The following ABHD17C variants were observed in gnomAD, a reference collection of about 807,000 sequenced individuals.
The protein encoded by ABHD17C is abhydrolase domain containing 17C, depalmitoylase.
In ABHD17C, 11 loss-of-function variants were observed where a neutral mutation model predicts 27.9. The ratio of observed to expected loss-of-function variants is 0.39; its 90% CI spans 0.25 to 0.65. The LOEUF (loss-of-function observed/expected upper bound fraction) is 0.65, where lower values mean the gene tolerates loss of function less well. Among genes scored for constraint, ABHD17C ranks in the 30% least tolerant of loss-of-function variants. The pLI, the probability that ABHD17C is intolerant of heterozygous loss-of-function variation, is 0.45. For missense variants in ABHD17C, 280 were observed against 470.2 expected, an observed-to-expected ratio of 0.60 and a Z score of 3.74; for synonymous variants, 233 against 209.1, an observed-to-expected ratio of 1.11 and a Z score of -0.98.
chr15:80,698,374 T>C lies in ABHD17C; in HGVS notation c.590+2355T>C, dbSNP rs375705041. On this transcript the variant is annotated intron_variant, in intron 1 of 2. Coordinates refer to ENST00000258884, the MANE Select transcript of ABHD17C (RefSeq NM_021214.2). ...CCACCGCGCCTGGCCTATTTCACTT[T>C]TATAAAAAAGAAAAAAAAAGATGGT... Among the ~76,000 whole-genome samples, 15 of 152,176 alleles carry C rather than the reference T, an allele frequency of 9.9e-5. No individual in the cohort carries two copies. In the East Asian group the frequency reaches 2.3e-3, roughly 24 times the overall value.
chr15:80,747,543 G>A (rs556915336), intron 1 of ABHD17C, among the ~76,000 whole-genome samples: 24 of 152,178 alleles, frequency 1.6e-4, no homozygotes, highest in South Asian at 6.2e-4. Flanking sequence ...TTGAAAATCC[G>A]TGGTCTCTGA....
chr15:80,749,057 A>T (rs1895330615), intron 1 of ABHD17C, among the ~76,000 whole-genome samples: 1 of 152,122 alleles, frequency 6.6e-6, no homozygotes, highest in Admixed American at 6.5e-5. Context: ...ACTTTTTCTG[A>T]TAAATGTTAA....
intron 2 of ABHD17C, among the ~76,000 whole-genome samples, 198 bp downstream of exon 2, chr15:80,749,890 G>A (rs1402717216): frequency 2.0e-5 from 3 of 152,210 alleles, no homozygotes; most frequent in Non-Finnish European, 4.4e-5. Context: ...ACTCACTTGT[G>A]AAAATCTCCC....
At chr15:80,729,017 AT>A (rs1310895411) in intron 1 of ABHD17C, among the ~76,000 whole-genome samples, 1 of 152,238 alleles carries the variant, frequency 6.6e-6, no homozygotes, top group Non-Finnish European at 1.5e-5. Context: ...AGCCATTCTT[AT>A]TTTAGAGTAG....
intron 1 of ABHD17C, among the ~76,000 whole-genome samples, chr15:80,708,672 G>A (rs567020354): frequency 2.0e-5 from 3 of 152,340 alleles, no homozygotes; most frequent in Admixed American, 6.5e-5. Flanking sequence ...TGCGTGGTCA[G>A]CTTCACTCAC....
chr15:80,718,830 A>T (rs1340234755), intron 1 of ABHD17C, among the ~76,000 whole-genome samples: 1 of 152,204 alleles, frequency 6.6e-6, no homozygotes, highest in African/African-American at 2.4e-5. Context: ...CGGTTGATTT[A>T]TGAAGGGCAG....
At chr15:80,726,269 C>T (rs908371380) in intron 1 of ABHD17C, among the ~76,000 whole-genome samples, 1 of 152,196 alleles carries the variant, frequency 6.6e-6, no homozygotes, top group Admixed American at 6.5e-5. Context: ...CCACAACCTT[C>T]CAGCTTGGGT....
chr15:80,695,322 C>T lies in ABHD17C; in HGVS notation c.-108C>T, dbSNP rs1281529735. Reference sequence around the variant, plus strand: ...CCGCCGGGCGGGCGGGCTGCAGCCGCCCTCCGCGCTCGCCTGCCAGCTCCC... The same window carrying T: ...CCGCCGGGCGGGCGGGCTGCAGCCGTCCTCCGCGCTCGCCTGCCAGCTCCC... On this transcript the variant is annotated 5_prime_UTR_variant, in exon 1 of 3. Transcript: ENST00000258884. The surrounding 1 kb of genome is among the most constrained non-coding windows in gnomAD (Gnocchi z 4.3). The T allele has an allele frequency of 2.9e-6, 2 of 689,244 alleles. No individual in the cohort carries two copies. The highest frequency in any genetic ancestry group is 2.0e-5 in the African/African-American group (1 of 51,254). 42.7% of individuals were successfully genotyped at this position (689,244 alleles called of 1,614,324 possible).
At chr15:80,708,803 A>G (rs1692789618) in intron 1 of ABHD17C, among the ~76,000 whole-genome samples, 1 of 152,164 alleles carries the variant, frequency 6.6e-6, no homozygotes, top group African/African-American at 2.4e-5. Flanking sequence ...TTAGTGTAAG[A>G]ATTACTGGGA....
At chr15:80,697,931 T>G (rs1894515952) in intron 1 of ABHD17C, among the ~76,000 whole-genome samples, 1 of 152,174 alleles carries the variant, frequency 6.6e-6, no homozygotes, top group South Asian at 2.1e-4. Context: ...AACCTCACAG[T>G]AAGAAACACA....
At chr15:80,742,584 AAAT>A (rs1408049405) in intron 1 of ABHD17C, among the ~76,000 whole-genome samples, 1 of 152,226 alleles carries the variant, frequency 6.6e-6, no homozygotes, top group Non-Finnish European at 1.5e-5. Flanking sequence ...ACACACCCAG[AAAT>A]AATGTTTTAC....
intron 1 of ABHD17C, among the ~76,000 whole-genome samples, chr15:80,726,458 C>G (rs562114859): frequency 6.8e-6 from 1 of 146,574 alleles, no homozygotes; most frequent in African/African-American, 2.6e-5. Flanking sequence ...CCTCCAGTTT[C>G]AAGGATTTTC....
In ABHD17C at chr15:80,700,854, T is replaced by G. The variant is rs117227617; in HGVS notation, c.590+4835T>G. ...AGTTTGAGACTGCAGTGAGCTGTGATTGCGCCACTGCTCTCTAGCCTGGGC... is the reference window on the plus strand; with the variant it reads ...AGTTTGAGACTGCAGTGAGCTGTGAGTGCGCCACTGCTCTCTAGCCTGGGC... On this transcript the variant is annotated intron_variant, in intron 1 of 2. Coordinates refer to ENST00000258884, the MANE Select transcript of ABHD17C (RefSeq NM_021214.2). 2.5e-4 allele frequency among the ~76,000 whole-genome samples: 38 copies of G among 152,284 alleles called. No homozygotes were observed. The East Asian group carries it at 3.1e-3, about 12-fold the overall frequency.
At chr15:80,737,507 A>T (rs771221262) in intron 1 of ABHD17C, among the ~76,000 whole-genome samples, 1 of 152,144 alleles carries the variant, frequency 6.6e-6, no homozygotes, top group Non-Finnish European at 1.5e-5. Flanking sequence ...CAACTCACTG[A>T]TCCCTGAGCC....
intron 1 of ABHD17C, among the ~76,000 whole-genome samples, chr15:80,741,397 T>C (rs917111717): frequency 1.3e-5 from 2 of 151,492 alleles, no homozygotes; most frequent in Admixed American, 6.8e-5. Context: ...TTGTTCTTAC[T>C]GTAGATCCTA....
At chr15:80,721,050 A>G (rs765829611) in intron 1 of ABHD17C, among the ~76,000 whole-genome samples, 2 of 151,886 alleles carry the variant, frequency 1.3e-5, no homozygotes, top group African/African-American at 2.4e-5. Context: ...CTACATTTTC[A>G]TAGGTGTCTT....
At chr15:80,742,447 A>C (rs1424628118) in intron 1 of ABHD17C, among the ~76,000 whole-genome samples, 1 of 152,216 alleles carries the variant, frequency 6.6e-6, no homozygotes, top group Non-Finnish European at 1.5e-5. Flanking sequence ...TCCCAGCTCA[A>C]GAAGAGAGAG....
At chr15:80,713,329 G>A (rs192916362) in intron 1 of ABHD17C, among the ~76,000 whole-genome samples, 6 of 131,326 alleles carry the variant, frequency 4.6e-5, no homozygotes, top group Admixed American at 1.7e-4. Context: ...AATAGTTACC[G>A]AAGGAAAGCC....
At chr15:80,710,999 A>G (rs1700740013) in intron 1 of ABHD17C, among the ~76,000 whole-genome samples, 1 of 152,204 alleles carries the variant, frequency 6.6e-6, no homozygotes, top group African/African-American at 2.4e-5. Flanking sequence ...ATGTAGAGTA[A>G]GCAATAGAAT....
Sources: allele counts gnomAD v4.1 joint callset (sites outside exome capture counted in the v4.1 genomes callset), GRCh38; gene constraint gnomAD v4.1.1; non-coding constraint Gnocchi (gnomAD v3.1); transcripts MANE v1.5; gene names NCBI Gene and HGNC (gene_info 2026-07-23, HGNC 2026-07-21).